Variants in LRP1B observed in about 807,000 individuals in gnomAD.
LRP1B encodes LDL receptor related protein 1B.
LRP1B carries 217 observed loss-of-function variants against 556.6 expected under a neutral mutation model. That is an observed-to-expected ratio of 0.39 (90% CI 0.35 to 0.44). The LOEUF is 0.44. Ranked by LOEUF, LRP1B falls within the 20% of genes least tolerant of loss-of-function variation. LRP1B has a pLI of 1.00. For synonymous variants in LRP1B, 2,047 were observed against 1,865.8 expected, an observed-to-expected ratio of 1.10 and a Z score of -2.50; for missense variants, 5,053 against 5,620.8, an observed-to-expected ratio of 0.90 and a Z score of 3.23.
At chr2:141,960,187 G>GATGTAATTTGGATAAA (rs1240606245) in intron 1 of LRP1B, among the ~76,000 whole-genome samples, 5 of 136,814 alleles carry the variant, frequency 3.7e-5, no homozygotes, top group Non-Finnish European at 5.9e-5. Context: ...ATTTGGATAA[G>GATGTAATTTGGATAAA]ATGTAATTTG....
At chr2:141,831,115 C>A (rs1697099352) in intron 1 of LRP1B, among the ~76,000 whole-genome samples, 1 of 151,672 alleles carries the variant, frequency 6.6e-6, no homozygotes, top group Non-Finnish European at 1.5e-5. Flanking sequence ...CTTTGAGCAA[C>A]TTACTTTCAC....
At chr2:141,537,043 G>T (rs1052675533) in intron 2 of LRP1B, among the ~76,000 whole-genome samples, 8 of 151,902 alleles carry the variant, frequency 5.3e-5, no homozygotes, top group Admixed American at 1.3e-4. Flanking sequence ...CTTTTCAAAG[G>T]AAACTAGTAA....
intron 7 of LRP1B, among the ~76,000 whole-genome samples, chr2:141,136,300 C>G (rs1243689809): frequency 6.6e-6 from 1 of 151,744 alleles, no homozygotes; most frequent in Non-Finnish European, 1.5e-5. Flanking sequence ...AGGAACTTAG[C>G]ACCTCTTGAT....
At chr2:141,361,093 T>G (rs1035350797) in intron 3 of LRP1B, among the ~76,000 whole-genome samples, 7 of 152,094 alleles carry the variant, frequency 4.6e-5, no homozygotes, top group Non-Finnish European at 1.0e-4. Context: ...CACACATAAC[T>G]TAATCTCATT....
chr2:140,915,842 C>A (rs778253308), intron 21 of LRP1B, among the ~76,000 whole-genome samples: 26 of 151,770 alleles, frequency 1.7e-4, no homozygotes, highest in Non-Finnish European at 3.2e-4. Flanking sequence ...TCCTGGGGAA[C>A]ATGGTGAAAC....
At chr2:140,294,418 G>A (rs2104993409) in intron 84 of LRP1B, among the ~76,000 whole-genome samples, 1 of 152,288 alleles carries the variant, frequency 6.6e-6, no homozygotes, top group East Asian at 1.9e-4. Flanking sequence ...TTTGGCAAGT[G>A]CCATTGTTGG....
At chr2:140,345,827 C>CAT (rs1010238179) in intron 77 of LRP1B, among the ~76,000 whole-genome samples, 25 of 131,978 alleles carry the variant, frequency 1.9e-4, no homozygotes, top group African/African-American at 2.9e-4. Flanking sequence ...TACATATATA[C>CAT]ATATATATAT....
intron 3 of LRP1B, among the ~76,000 whole-genome samples, chr2:141,477,728 C>G (rs1682765321): frequency 6.6e-6 from 1 of 151,934 alleles, no homozygotes; most frequent in Admixed American, 6.6e-5. Context: ...CTTTAGTCAC[C>G]TTGTTCTTAC....
chr2:140,630,173 A>C (rs1683828040), intron 41 of LRP1B, among the ~76,000 whole-genome samples: 2 of 152,164 alleles, frequency 1.3e-5, no homozygotes, highest in Admixed American at 1.3e-4. Context: ...GACCTACTTA[A>C]TTAGAACCTT....
intron 1 of LRP1B, among the ~76,000 whole-genome samples, chr2:141,958,883 A>T (rs556452531): frequency 6.6e-6 from 1 of 152,096 alleles, no homozygotes; most frequent in East Asian, 1.9e-4. Flanking sequence ...TTCCTTTCAT[A>T]TGGGGAAAAT....
intron 1 of LRP1B, among the ~76,000 whole-genome samples, chr2:141,950,165 A>G (rs1239186872): frequency 1.3e-5 from 2 of 152,216 alleles, no homozygotes; most frequent in Non-Finnish European, 2.9e-5. Context: ...CTTAGGATCA[A>G]CATATTTTCT....
chr2:141,285,936 G>A (rs1199317814), intron 3 of LRP1B, among the ~76,000 whole-genome samples: 9 of 148,078 alleles, frequency 6.1e-5, no homozygotes, highest in African/African-American at 2.2e-4. Context: ...GCGTAGTGGC[G>A]GGCGCCTGTA....
chr2:141,328,961 T>C (rs1156926497), intron 3 of LRP1B, among the ~76,000 whole-genome samples: 1 of 152,192 alleles, frequency 6.6e-6, no homozygotes, highest in Non-Finnish European at 1.5e-5. Context: ...GACTACCTTT[T>C]TGAGTTCTAG....
At chr2:142,010,483 A>AG (rs1194180306) in intron 1 of LRP1B, among the ~76,000 whole-genome samples, 3 of 132,840 alleles carry the variant, frequency 2.3e-5, no homozygotes, top group Non-Finnish European at 4.7e-5. Flanking sequence ...TGAACCCGGG[A>AG]GGCGGAGCTT....
At position 141,570,697 on chromosome 2, in the gene LRP1B, G is replaced by C. The variant is rs529334737; in HGVS notation, c.206-90164C>G. On this transcript the variant is annotated intron_variant, in intron 2 of 90. Coordinates refer to ENST00000389484, the MANE Select transcript of LRP1B (RefSeq NM_018557.3). Reference sequence around the variant, plus strand: ...GCGGCATCCATCTCTATAGCTTCAGGCTGTGCTTTTCCCCCTGCTGAAGCC... The same window carrying C: ...GCGGCATCCATCTCTATAGCTTCAGCCTGTGCTTTTCCCCCTGCTGAAGCC... Among the ~76,000 whole-genome samples the C allele has an allele frequency of 1.4e-3, 217 of 151,430 alleles. 8 individuals are homozygous for C. The highest frequency in any genetic ancestry group is 2.5e-3 in the Non-Finnish European group (169 of 67,470).
At chr2:140,647,196 T>TTA (rs1684515615) in intron 41 of LRP1B, among the ~76,000 whole-genome samples, 2 of 152,248 alleles carry the variant, frequency 1.3e-5, no homozygotes, top group Admixed American at 1.3e-4. Context: ...AATGCTTTTT[T>TTA]AAAAAAACTT....
At chr2:140,299,761 A>AC (rs1481787838) in intron 83 of LRP1B, among the ~76,000 whole-genome samples, 1 of 152,138 alleles carries the variant, frequency 6.6e-6, no homozygotes, top group Non-Finnish European at 1.5e-5. Context: ...TTCTTCAATT[A>AC]CAGTCAATGG....
rs913165039 is a variant in LRP1B at position 141,533,368 on chromosome 2, T to C, written c.206-52835A>G. ...GCAAGCATCAGCCTTCTCCGTGTTC[T>C]TTTATAATTATATGTAGTAATATTC... On this transcript the variant is annotated intron_variant, in intron 2 of 90. Coordinates refer to ENST00000389484, the MANE Select transcript of LRP1B (RefSeq NM_018557.3). Among the ~76,000 whole-genome samples, 7 of 152,280 alleles carry C rather than the reference T, an allele frequency of 4.6e-5. No homozygotes were observed. The East Asian group carries it at 1.4e-3, about 29-fold the overall frequency.
intron 20 of LRP1B, among the ~76,000 whole-genome samples, chr2:140,927,730 T>C (rs1376877024): frequency 8.2e-6 from 1 of 122,440 alleles, no homozygotes; most frequent in Non-Finnish European, 1.6e-5. Flanking sequence ...TTTTTTGAGA[T>C]GGAATCTCAC....
Sources: allele counts gnomAD v4.1 joint callset (sites outside exome capture counted in the v4.1 genomes callset), GRCh38; gene constraint gnomAD v4.1.1; transcripts MANE v1.5; gene names NCBI Gene and HGNC (gene_info 2026-07-23, HGNC 2026-07-21).